Variants in COL21A1 observed in about 807,000 individuals in gnomAD.
COL21A1 encodes collagen type XXI alpha 1 chain.
A neutral mutation model predicts 137.9 loss-of-function variants in COL21A1; 149 were observed. The ratio of observed to expected loss-of-function variants is 1.08; its 90% CI spans 0.95 to 1.24. The LOEUF (loss-of-function observed/expected upper bound fraction) is 1.24, where lower values mean the gene tolerates loss of function less well. COL21A1 is among the 50% of genes most tolerant of loss of function. COL21A1 has a pLI of 0.00. For synonymous variants in COL21A1, 456 were observed against 391.5 expected (o/e 1.16, Z -1.95); for missense variants, 1,167 against 1,158.4 (o/e 1.01, Z -0.11).
At chr6:56,382,120 A>G (rs1038668406) in intron 1 of COL21A1, among the ~76,000 whole-genome samples, 1 of 151,770 alleles carries the variant, frequency 6.6e-6, no homozygotes, top group African/African-American at 2.4e-5. Flanking sequence ...GCCTGTCAGG[A>G]CTGGTGAGAT....
chr6:56,269,584 G>A, intron 1 of COL21A1, among the ~76,000 whole-genome samples: 1 of 149,388 alleles, frequency 6.7e-6, no homozygotes, highest in East Asian at 2.0e-4. Flanking sequence ...GAACCTGGGA[G>A]GCAGAGCTTG....
intron 1 of COL21A1, among the ~76,000 whole-genome samples, chr6:56,281,809 A>C (rs933409560): frequency 2.0e-5 from 3 of 152,236 alleles, no homozygotes; most frequent in Non-Finnish European, 4.4e-5. Flanking sequence ...ACAGGCATAT[A>C]TTAGATGGCA....
At chr6:56,303,748 GC>G (rs1694899543) in intron 1 of COL21A1, among the ~76,000 whole-genome samples, 1 of 152,056 alleles carries the variant, frequency 6.6e-6, no homozygotes, top group Non-Finnish European at 1.5e-5. Context: ...GATTGCCCTG[GC>G]CAGAACTTCC....
chr6:56,097,782 TA>T (rs1347732823), intron 17 of COL21A1, among the ~76,000 whole-genome samples: 2 of 120,608 alleles, frequency 1.7e-5, no homozygotes, highest in Non-Finnish European at 3.3e-5. Context: ...TATAAATATA[TA>T]AAAATATATA....
intron 1 of COL21A1, among the ~76,000 whole-genome samples, chr6:56,265,164 C>G (rs1763366445): frequency 6.6e-6 from 1 of 152,156 alleles, no homozygotes; most frequent in Non-Finnish European, 1.5e-5. Context: ...AGTCTTCAAG[C>G]TACTTGGAAA....
intron 1 of COL21A1, among the ~76,000 whole-genome samples, chr6:56,210,003 A>G (rs1288551598): frequency 6.6e-6 from 1 of 152,034 alleles, no homozygotes; most frequent in South Asian, 2.1e-4. Context: ...GGAAACCATC[A>G]TTCTCAGCAA....
chr6:56,359,348 T>A (rs1218894234), intron 1 of COL21A1, among the ~76,000 whole-genome samples: 1 of 152,136 alleles, frequency 6.6e-6, no homozygotes, highest in Non-Finnish European at 1.5e-5. Context: ...TTGGAACAGA[T>A]TTCCAAGGCC....
intron 12 of COL21A1, among the ~76,000 whole-genome samples, chr6:56,139,728 A>T (rs1438542733): frequency 6.6e-6 from 1 of 152,154 alleles, no homozygotes; most frequent in Non-Finnish European, 1.5e-5. Flanking sequence ...CTATAACAGA[A>T]ATCACTGTAA....
intron 1 of COL21A1, among the ~76,000 whole-genome samples, chr6:56,323,508 G>C (rs1764925260): frequency 6.6e-6 from 1 of 152,110 alleles, no homozygotes; most frequent in African/African-American, 2.4e-5. Context: ...TCCTGCCTCA[G>C]CCTCCCTAGT....
chr6:56,122,152 G>A (rs951347576), intron 16 of COL21A1, among the ~76,000 whole-genome samples: 4 of 149,794 alleles, frequency 2.7e-5, no homozygotes, highest in Non-Finnish European at 1.5e-5. Flanking sequence ...AGAACAAAAG[G>A]CCATATATTA....
chr6:56,088,242 T>C (rs1768445922), intron 17 of COL21A1, among the ~76,000 whole-genome samples: 1 of 152,078 alleles, frequency 6.6e-6, no homozygotes, highest in Admixed American at 6.5e-5. Context: ...CACATGCCTA[T>C]AATCTCAGCT....
In COL21A1 at chr6:56,164,485, C is replaced by A; in HGVS notation, c.1309G>T (p.Val437Leu). 1 of 1,587,156 alleles carries A rather than the reference C, an allele frequency of 6.3e-7. No individual in the cohort carries two copies. Among genetic ancestry groups the A allele is most frequent in the Admixed American group, 1.8e-5 (1 of 56,130 alleles). Residue 437 changes from valine to leucine, a missense_variant, in exon 9 of 30, where the codon GTA becomes TTA. Val to Leu is a conservative substitution (Grantham distance 32, BLOSUM62 1). Transcript: ENST00000244728. Reference protein sequence around the residue: ...NGECLNGPSDVGSTPAPCICP... With the variant: ...NGECLNGPSDLGSTPAPCICP... ...ATACAGGGAGCTGGAGTTGAACCTA[C>A]ATCACTGGGACCATTAAGGCACTAT...
chr6:56,097,886 TATATATAA>T lies in COL21A1; in HGVS notation c.1812+3578_1812+3585del, dbSNP rs1203103407. Among the ~76,000 whole-genome samples the T allele has an allele frequency of 4.3e-3, 387 of 90,164 alleles. 69 individuals are homozygous for T. The highest frequency in any genetic ancestry group is 0.031 in the Middle Eastern group (5 of 160). 59.2% of individuals were successfully genotyped at this position (90,164 alleles called of 152,430 possible). A position where few individuals can be genotyped will look rare whatever the true frequency, so the allele number is the denominator to read the frequency against. ...ATAAAAATATCTATAAATATATAAA[TATATATAA>T]ATATATAAATATATAAATATATATA... On this transcript the variant is annotated intron_variant, in intron 17 of 29. Coordinates refer to ENST00000244728, the MANE Select transcript of COL21A1 (RefSeq NM_030820.4).
intron 1 of COL21A1, among the ~76,000 whole-genome samples, chr6:56,314,537 C>T (rs1764685928): frequency 6.6e-6 from 1 of 152,108 alleles, no homozygotes; most frequent in Non-Finnish European, 1.5e-5. Flanking sequence ...TCTGCAACAC[C>T]TCGGCCAAGA....
intron 1 of COL21A1, among the ~76,000 whole-genome samples, chr6:56,355,113 T>C (rs1765801942): frequency 6.6e-6 from 1 of 151,516 alleles, no homozygotes. Context: ...AGGATTGGAA[T>C]ATCACCACTT....
chr6:56,208,511 A>G (rs1488088657), intron 1 of COL21A1, among the ~76,000 whole-genome samples: 1 of 152,206 alleles, frequency 6.6e-6, no homozygotes, highest in African/African-American at 2.4e-5. Context: ...ACCACTGCTC[A>G]AGGAAATAAA....
At chr6:56,350,340 C>T (rs1765685354) in intron 1 of COL21A1, among the ~76,000 whole-genome samples, 1 of 152,136 alleles carries the variant, frequency 6.6e-6, no homozygotes, top group South Asian at 2.1e-4. Context: ...GATTGGTGAC[C>T]TCTTAGGCAC....
intron 17 of COL21A1, among the ~76,000 whole-genome samples, chr6:56,090,119 G>T (rs184354049): frequency 6.6e-6 from 1 of 152,214 alleles, no homozygotes; most frequent in East Asian, 1.9e-4. Flanking sequence ...CGCGCCTGTA[G>T]TCTCAGCTAC....
intron 1 of COL21A1, among the ~76,000 whole-genome samples, chr6:56,332,475 CAT>C (rs1491518943): frequency 7.0e-6 from 1 of 142,910 alleles, no homozygotes. Flanking sequence ...TTGGGTAAAA[CAT>C]TTTTTTTTTT....
Sources: allele counts gnomAD v4.1 joint callset (sites outside exome capture counted in the v4.1 genomes callset), GRCh38; gene constraint gnomAD v4.1.1; transcripts MANE v1.5; gene names NCBI Gene and HGNC (gene_info 2026-07-23, HGNC 2026-07-21).